Variants in TNFSF4 observed in about 807,000 individuals in gnomAD.
TNFSF4 encodes the protein TNF superfamily member 4.
Under a neutral mutation model 7.3 loss-of-function variants are expected in TNFSF4, and 4 were observed. The observed-to-expected ratio is 0.55, with a 90% CI of 0.27 to 1.25. The LOEUF is 1.25. Among genes scored for constraint, TNFSF4 ranks in the 50% most tolerant of loss-of-function variants. The pLI is 0.12. For missense variants in TNFSF4, 181 were observed against 208.8 expected, an observed-to-expected ratio of 0.87 and a Z score of 0.82; for synonymous variants, 76 against 83.7, an observed-to-expected ratio of 0.91 and a Z score of 0.50.
chr1:173,411,469 C>T, the TNFSF4 span, among the ~76,000 whole-genome samples: 4 of 152,170 alleles, frequency 2.6e-5, no homozygotes, highest in African/African-American at 4.8e-5. Context: ...ATGAGGATGT[C>T]ATCTTGCAGC....
the TNFSF4 span, among the ~76,000 whole-genome samples, chr1:173,297,938 G>A: frequency 2.0e-4 from 31 of 151,852 alleles, no homozygotes; most frequent in African/African-American, 7.2e-4. Flanking sequence ...CAAAACCAAG[G>A]CTGTATCATC....
chr1:173,379,197 CAAAG>C, the TNFSF4 span, among the ~76,000 whole-genome samples: 39 of 152,216 alleles, frequency 2.6e-4, no homozygotes, highest in African/African-American at 9.4e-4. Context: ...CAATGACAGC[CAAAG>C]AAAGGGACAA....
the TNFSF4 span, among the ~76,000 whole-genome samples, chr1:173,383,245 A>G: frequency 6.6e-6 from 1 of 152,164 alleles, no homozygotes; most frequent in Admixed American, 6.5e-5. Flanking sequence ...CCAAAATAGC[A>G]ATCCATGCTG....
the TNFSF4 span, among the ~76,000 whole-genome samples, chr1:173,332,083 C>T: frequency 1.3e-5 from 2 of 152,122 alleles, no homozygotes; most frequent in Non-Finnish European, 2.9e-5. Flanking sequence ...GGTTAAGAAA[C>T]CCTGCCTCAG....
At chr1:173,214,317 C>T in the TNFSF4 span, among the ~76,000 whole-genome samples, 1 of 152,082 alleles carries the variant, frequency 6.6e-6, no homozygotes, top group African/African-American at 2.4e-5. Context: ...TACTCTGGAG[C>T]CTGTTCTTAA....
chr1:173,393,400 C>T, the TNFSF4 span, among the ~76,000 whole-genome samples: 1 of 152,230 alleles, frequency 6.6e-6, no homozygotes, highest in East Asian at 1.9e-4. Context: ...TCTGCCCTGC[C>T]TCACAACTGT....
At chr1:173,195,802 T>A (rs572464134) in intron 1 of TNFSF4, among the ~76,000 whole-genome samples, 1 of 152,234 alleles carries the variant, frequency 6.6e-6, no homozygotes, top group African/African-American at 2.4e-5. Flanking sequence ...AAGGCCACAA[T>A]GTCAAGGCCT....
At chr1:173,322,416 G>C in the TNFSF4 span, among the ~76,000 whole-genome samples, 1 of 152,046 alleles carries the variant, frequency 6.6e-6, no homozygotes, top group Non-Finnish European at 1.5e-5. Flanking sequence ...GTGGAGCCAA[G>C]ATGGCCGAAT....
chr1:173,390,676 G>C, the TNFSF4 span, among the ~76,000 whole-genome samples: 106,147 of 150,942 alleles, frequency 0.7, 37,470 homozygotes, highest in African/African-American at 0.78. Flanking sequence ...TTGTAAGCAA[G>C]TGGAAAGACA....
the TNFSF4 span, among the ~76,000 whole-genome samples, chr1:173,380,422 A>G: frequency 1.3e-5 from 2 of 152,134 alleles, no homozygotes. Flanking sequence ...AGACCCCATC[A>G]GTGTAATTAC....
the TNFSF4 span, among the ~76,000 whole-genome samples, chr1:173,263,908 T>C: frequency 6.6e-6 from 1 of 152,160 alleles, no homozygotes; most frequent in Non-Finnish European, 1.5e-5. Context: ...AGGGAGGACC[T>C]AGGTGACACA....
chr1:173,207,086 T>G lies in TNFSF4; in HGVS notation c.91A>C (p.Ile31Leu). The G allele has an allele frequency of 6.2e-7, 1 of 1,613,766 alleles. No homozygotes were observed. The highest frequency in any genetic ancestry group is 1.3e-5 in the African/African-American group (1 of 75,004). The change falls in exon 1 of 3, where the codon ATT becomes CTT. Residue 31 changes from isoleucine (I) to leucine (L), a missense_variant. Physicochemically the swap from Ile to Leu is conservative, Grantham distance 5 (BLOSUM62 2). Transcript: ENST00000281834. ...RNKLLLVASV[I>L]QGLGLLLCFT... is the part of the protein sequence containing the mutation. ...CACAGGAGCAGCCCCAGTCCCTGAA[T>G]TACAGAGGCCACCAGCAATAGCTTG...
chr1:173,243,154 C>T, the TNFSF4 span, among the ~76,000 whole-genome samples: 1 of 152,206 alleles, frequency 6.6e-6, no homozygotes, highest in Non-Finnish European at 1.5e-5. Flanking sequence ...ATGGTAGTTC[C>T]CCTTAACTAC....
At chr1:173,255,071 C>G in the TNFSF4 span, among the ~76,000 whole-genome samples, 1 of 152,160 alleles carries the variant, frequency 6.6e-6, no homozygotes, top group Non-Finnish European at 1.5e-5. Flanking sequence ...ACTAGTCTTT[C>G]TCTTTTTCAA....
At chr1:173,384,922 G>T in the TNFSF4 span, among the ~76,000 whole-genome samples, 2 of 152,202 alleles carry the variant, frequency 1.3e-5, no homozygotes, top group African/African-American at 4.8e-5. Context: ...TCATAAAAAT[G>T]GGTATATAGT....
the TNFSF4 span, among the ~76,000 whole-genome samples, chr1:173,329,400 T>C: frequency 2.6e-5 from 4 of 152,198 alleles, no homozygotes; most frequent in Non-Finnish European, 5.9e-5. Context: ...AGCCTGTACA[T>C]GTTCAGTGCA....
the TNFSF4 span, among the ~76,000 whole-genome samples, chr1:173,262,127 C>T: frequency 4.0e-3 from 605 of 152,230 alleles, 2 homozygotes; most frequent in Non-Finnish European, 5.9e-3. Context: ...AAGAGCTTAT[C>T]GACCACAATC....
At chr1:173,360,301 C>A in the TNFSF4 span, among the ~76,000 whole-genome samples, 1 of 152,258 alleles carries the variant, frequency 6.6e-6, no homozygotes, top group Non-Finnish European at 1.5e-5. Context: ...GGAATGAGAG[C>A]TGTCAGGACC....
At chr1:173,299,807 A>G in the TNFSF4 span, among the ~76,000 whole-genome samples, 3 of 151,836 alleles carry the variant, frequency 2.0e-5, no homozygotes, top group Admixed American at 2.0e-4. Context: ...CCCAACATGT[A>G]AAGTTGGGAG....
Sources: allele counts gnomAD v4.1 joint callset (sites outside exome capture counted in the v4.1 genomes callset), GRCh38; gene constraint gnomAD v4.1.1; transcripts MANE v1.5; gene names NCBI Gene and HGNC (gene_info 2026-07-23, HGNC 2026-07-21).